The following TMEM131 variants were observed in gnomAD, a reference collection of about 807,000 sequenced individuals.
The protein encoded by TMEM131 is transmembrane protein 131.
TMEM131 carries 66 observed loss-of-function variants against 211.6 expected under a neutral mutation model. The ratio of observed to expected loss-of-function variants is 0.31; its 90% CI spans 0.26 to 0.38. The LOEUF (loss-of-function observed/expected upper bound fraction) is 0.38, where lower values mean the gene tolerates loss of function less well. TMEM131 is among the 10% of genes least tolerant of loss of function. The pLI, the probability that TMEM131 is intolerant of heterozygous loss-of-function variation, is 1.00. For synonymous variants in TMEM131, 844 were observed against 841.3 expected, an observed-to-expected ratio of 1.00 and a Z score of -0.06; for missense variants, 2,036 against 2,299.3, an observed-to-expected ratio of 0.89 and a Z score of 2.34.
intron 1 of TMEM131, among the ~76,000 whole-genome samples, chr2:97,991,512 G>A (rs1012629665): frequency 6.6e-6 from 1 of 152,192 alleles, no homozygotes; most frequent in African/African-American, 2.4e-5. Flanking sequence ...CTGAAAACTG[G>A]AGGTGGCGCA....
rs772590153 is a variant in TMEM131, at chr2:97,818,686, C to T, written c.1110G>A (p.Thr370=). The T allele has an allele frequency of 1.0e-5, 16 of 1,607,028 alleles. No homozygotes were observed. The highest frequency in any genetic ancestry group is 4.5e-5 in the South Asian group (4 of 89,848). The part of the protein sequence containing the change: ...VRPTPQNDAI[T]VHFKPITLKA... ...TTAATGTAATTGGTTTAAAGTGTACCGTTATAGCATCATTTTGTGGTGTAG... is the reference window on the plus strand; with the variant it reads ...TTAATGTAATTGGTTTAAAGTGTACTGTTATAGCATCATTTTGTGGTGTAG... Residue 370 remains threonine, a synonymous_variant, in exon 12 of 41, where the codon ACG becomes ACA. Coordinates refer to ENST00000186436, the MANE Select transcript of TMEM131 (RefSeq NM_015348.2).
At chr2:97,760,466 A>C in intron 38 of TMEM131, 127 bp downstream of exon 38, 1 of 890,464 alleles carries the variant, frequency 1.1e-6, no homozygotes, top group Non-Finnish European at 1.7e-6. Flanking sequence ...GCACTTGACC[A>C]CTTCTGACAA....
chr2:97,890,669 A>G (rs1455233233), intron 3 of TMEM131, among the ~76,000 whole-genome samples: 5 of 152,308 alleles, frequency 3.3e-5, no homozygotes, highest in African/African-American at 1.2e-4. Flanking sequence ...TTTAATTCCA[A>G]CAGTCTGTCT....
At chr2:97,864,049 AAAT>A (rs764178082) in intron 4 of TMEM131, among the ~76,000 whole-genome samples, 73 of 152,360 alleles carry the variant, frequency 4.8e-4, no homozygotes, top group Non-Finnish European at 9.0e-4. Flanking sequence ...CAACCATGAA[AAAT>A]AATGAGATCC....
At chr2:97,871,887 G>A (rs1005468145) in intron 4 of TMEM131, among the ~76,000 whole-genome samples, 2 of 151,314 alleles carry the variant, frequency 1.3e-5, no homozygotes, top group African/African-American at 4.9e-5. Context: ...GTAATTATAG[G>A]AGTTGCTATG....
At chr2:97,934,728 T>C (rs560470229) in intron 1 of TMEM131, among the ~76,000 whole-genome samples, 10 of 152,274 alleles carry the variant, frequency 6.6e-5, no homozygotes, top group Admixed American at 5.9e-4. Context: ...TCACTGGTTT[T>C]GACAAAATTG....
At chr2:97,840,707 A>G (rs1313488575) in intron 7 of TMEM131, among the ~76,000 whole-genome samples, 1 of 150,958 alleles carries the variant, frequency 6.6e-6, no homozygotes, top group Non-Finnish European at 1.5e-5. Context: ...CGTAAACAAC[A>G]GAAGGATGGT....
chr2:97,991,600 T>G (rs751687881), intron 1 of TMEM131, among the ~76,000 whole-genome samples: 1 of 151,870 alleles, frequency 6.6e-6, no homozygotes, highest in Admixed American at 6.5e-5. Context: ...CAACAGGCAA[T>G]TGGAGAGCAG....
chr2:97,950,740 C>T (rs1678274224), intron 1 of TMEM131, among the ~76,000 whole-genome samples: 1 of 152,090 alleles, frequency 6.6e-6, no homozygotes, highest in African/African-American at 2.4e-5. Flanking sequence ...CCAATATCTA[C>T]CACATCTGCA....
chr2:97,760,309 C>T (rs928566026), intron 38 of TMEM131: 2 of 465,018 alleles, frequency 4.3e-6, no homozygotes, highest in Non-Finnish European at 7.9e-6. Flanking sequence ...TACCACAGAC[C>T]AGGAGATGGA....
chr2:97,801,051 T>C (rs1681012919), intron 25 of TMEM131, among the ~76,000 whole-genome samples: 1 of 152,252 alleles, frequency 6.6e-6, no homozygotes, highest in South Asian at 2.1e-4. Context: ...TGGGCTAATA[T>C]ATGCCTTACA....
At chr2:97,888,194 C>T in intron 3 of TMEM131, 74 bp from the exon 4 acceptor site, 2 of 1,284,214 alleles carry the variant, frequency 1.6e-6, no homozygotes, top group Non-Finnish European at 2.2e-6. Flanking sequence ...ATTCAGACAG[C>T]TGACTTTTGT....
intron 40 of TMEM131, 81 bp downstream of exon 40, chr2:97,758,812 A>G: frequency 6.6e-7 from 1 of 1,510,474 alleles, no homozygotes. Context: ...TAACTATGTC[A>G]GTGCCATCCA....
chr2:97,777,689 A>G (rs1406516423), intron 31 of TMEM131, among the ~76,000 whole-genome samples: 1 of 152,208 alleles, frequency 6.6e-6, no homozygotes, highest in East Asian at 1.9e-4. Flanking sequence ...ATCTGAAACC[A>G]TAACTTGGAT....
At chr2:97,870,149 C>G (rs1674433384) in intron 4 of TMEM131, among the ~76,000 whole-genome samples, 2 of 151,764 alleles carry the variant, frequency 1.3e-5, no homozygotes, top group African/African-American at 4.8e-5. Flanking sequence ...CAGGCTCACC[C>G]AAAAAAAATC....
intron 5 of TMEM131, among the ~76,000 whole-genome samples, chr2:97,850,532 C>T (rs1429722926): frequency 6.6e-6 from 1 of 152,142 alleles, no homozygotes; most frequent in Non-Finnish European, 1.5e-5. Context: ...CTGACCATGA[C>T]TGTAAGGTGC....
chr2:97,771,664 A>G (rs951491216), intron 33 of TMEM131, among the ~76,000 whole-genome samples: 7 of 152,234 alleles, frequency 4.6e-5, no homozygotes, highest in Admixed American at 1.3e-4. Context: ...ATGCTGAGCC[A>G]AGGTTTAATG....
chr2:97,779,793 T>A (rs1337249413), intron 31 of TMEM131, among the ~76,000 whole-genome samples: 1 of 152,072 alleles, frequency 6.6e-6, no homozygotes, highest in African/African-American at 2.4e-5. Flanking sequence ...AGCAGGAGGA[T>A]CACTTGAGGC....
At chr2:97,787,396 C>T (rs1231665404) in intron 31 of TMEM131, among the ~76,000 whole-genome samples, 1 of 152,204 alleles carries the variant, frequency 6.6e-6, no homozygotes, top group African/African-American at 2.4e-5. Flanking sequence ...CCACGTTAGG[C>T]CCTGTCATAT....
Sources: gnomAD v4.1 joint callset for allele counts (sites outside exome capture counted in the v4.1 genomes callset) on GRCh38, gnomAD v4.1.1 for gene constraint, MANE v1.5 for transcripts, NCBI Gene and HGNC (gene_info 2026-07-23, HGNC 2026-07-21) for gene names.